Variants in GNA14 observed in about 807,000 individuals in gnomAD.
GNA14 encodes the protein guanine nucleotide-binding protein subunit alpha-14.
A neutral mutation model predicts 42.0 loss-of-function variants in GNA14; 50 were observed. That is an observed-to-expected ratio of 1.19 (90% CI 0.95 to 1.51). The LOEUF (loss-of-function observed/expected upper bound fraction) is 1.51, where lower values mean the gene tolerates loss of function less well. Among genes scored for constraint, GNA14 ranks in the 40% most tolerant of loss-of-function variants. The pLI is 0.00. For synonymous variants in GNA14, 173 were observed against 163.1 expected (o/e 1.06, Z -0.46); for missense variants, 473 against 446.2 (o/e 1.06, Z -0.54).
chr9:77,555,133 A>G (rs2131784683), intron 1 of GNA14, among the ~76,000 whole-genome samples: 1 of 152,336 alleles, frequency 6.6e-6, no homozygotes, highest in Admixed American at 6.5e-5. Context: ...TTGTGGTTAC[A>G]TAAGAGAATG....
intron 3 of GNA14, chr9:77,431,658 T>A: frequency 4.2e-6 from 2 of 471,600 alleles, no homozygotes; most frequent in Non-Finnish European, 7.6e-6. Flanking sequence ...AGGACTTCCA[T>A]GCGCCTTCTG....
At chr9:77,568,021 G>A (rs1822997903) in intron 1 of GNA14, among the ~76,000 whole-genome samples, 1 of 152,090 alleles carries the variant, frequency 6.6e-6, no homozygotes, top group Non-Finnish European at 1.5e-5. Context: ...AAGAGGAGGA[G>A]GAAGGAAGAC....
intron 1 of GNA14, among the ~76,000 whole-genome samples, chr9:77,576,006 ATGT>A (rs1823123044): frequency 1.3e-5 from 2 of 152,232 alleles, no homozygotes; most frequent in African/African-American, 2.4e-5. Flanking sequence ...TGGTGCTGAA[ATGT>A]TGTTGCAATG....
At chr9:77,466,487 A>G (rs928553689) in intron 2 of GNA14, among the ~76,000 whole-genome samples, 1 of 152,170 alleles carries the variant, frequency 6.6e-6, no homozygotes, top group African/African-American at 2.4e-5. Context: ...CTATGTATTC[A>G]GTCATTGTTG....
At chr9:77,510,630 C>T (rs1313541413) in intron 2 of GNA14, among the ~76,000 whole-genome samples, 1 of 152,244 alleles carries the variant, frequency 6.6e-6, no homozygotes, top group Non-Finnish European at 1.5e-5. Flanking sequence ...CAGATGGGTA[C>T]TGTGGCAGTT....
intron 1 of GNA14, among the ~76,000 whole-genome samples, chr9:77,577,560 A>G (rs1823148347): frequency 1.3e-5 from 2 of 152,216 alleles, no homozygotes; most frequent in African/African-American, 4.8e-5. Flanking sequence ...CATCAGTGAG[A>G]CATGACTTCT....
chr9:77,539,491 G>C (rs1837634205), intron 1 of GNA14, among the ~76,000 whole-genome samples: 1 of 152,154 alleles, frequency 6.6e-6, no homozygotes, highest in South Asian at 2.1e-4. Context: ...GTCCTTGCCT[G>C]GTTTTGGTAT....
intron 2 of GNA14, among the ~76,000 whole-genome samples, chr9:77,493,282 T>A (rs2131737926): frequency 6.6e-6 from 1 of 152,134 alleles, no homozygotes; most frequent in African/African-American, 2.4e-5. Flanking sequence ...CTTCTCCAGC[T>A]AGACCATTTG....
At chr9:77,501,636 G>A (rs1214259252) in intron 2 of GNA14, among the ~76,000 whole-genome samples, 1 of 150,970 alleles carries the variant, frequency 6.6e-6, no homozygotes, top group South Asian at 2.1e-4. Context: ...TTTTCTCCAA[G>A]TTTGTAGCTT....
intron 1 of GNA14, among the ~76,000 whole-genome samples, chr9:77,569,124 G>T (rs1334383167): frequency 6.6e-6 from 1 of 150,764 alleles, no homozygotes; most frequent in Non-Finnish European, 1.5e-5. Context: ...ATTTTAAACT[G>T]AATCTCCAGC....
chr9:77,458,710 C>T (rs1836050514), intron 2 of GNA14, among the ~76,000 whole-genome samples: 1 of 152,134 alleles, frequency 6.6e-6, no homozygotes, highest in Non-Finnish European at 1.5e-5. Flanking sequence ...ACTTTTGTAT[C>T]ACAGATTGTT....
In GNA14 at chr9:77,648,033, G is replaced by A. The variant is rs1824389526; in HGVS notation, c.-240C>T. The A allele has an allele frequency of 1.9e-6, 1 of 524,880 alleles. No individual in the cohort carries two copies. Among genetic ancestry groups the A allele is most frequent in the Non-Finnish European group, 3.3e-6 (1 of 301,398 alleles). The allele number at this position is 524,880 out of a possible 1,614,324, so 32.5% of individuals were successfully genotyped here. On this transcript the variant is annotated 5_prime_UTR_variant, in exon 1 of 7. Transcript: ENST00000341700. Reference sequence around the variant, plus strand: ...ACGCTCGAGTGCACCCCGGATCCGGGCTCAGCCCGCCCCACTCTCGCTCTG... The same window carrying A: ...ACGCTCGAGTGCACCCCGGATCCGGACTCAGCCCGCCCCACTCTCGCTCTG...
In GNA14 at chr9:77,458,905, G is replaced by GC. The variant is rs1554689041; in HGVS notation, c.310-24384_310-24383insG. Among the ~76,000 whole-genome samples, 263 of 47,952 alleles carry GC rather than the reference G, an allele frequency of 5.5e-3. 2 individuals carry two copies. Among genetic ancestry groups the GC allele is most frequent in the African/African-American group, 0.028 (148 of 5,284 alleles). The allele number at this position is 47,952 out of a possible 152,430, so 31.5% of individuals were successfully genotyped here. A position where few individuals can be genotyped will look rare whatever the true frequency, so the allele number is the denominator to read the frequency against. ...TAAGCTCCTTTTATCACAAGCTGGAGGGGGGGGGGTTGTCCTCTTCTCCCC... is the reference window on the plus strand; with the variant it reads ...TAAGCTCCTTTTATCACAAGCTGGAGCGGGGGGGGGTTGTCCTCTTCTCCCC... On this transcript the variant is annotated intron_variant, in intron 2 of 6. Transcript: ENST00000341700.
At chr9:77,474,538 A>G (rs1278276559) in intron 2 of GNA14, among the ~76,000 whole-genome samples, 1 of 152,226 alleles carries the variant, frequency 6.6e-6, no homozygotes, top group Non-Finnish European at 1.5e-5. Flanking sequence ...TGTAACCCTC[A>G]TACATGGGTG....
chr9:77,505,219 G>T (rs1463068504), intron 2 of GNA14, among the ~76,000 whole-genome samples: 1 of 152,142 alleles, frequency 6.6e-6, no homozygotes, highest in African/African-American at 2.4e-5. Flanking sequence ...TTATAATACA[G>T]CACTTTTGAA....
chr9:77,608,418 A>T (rs1823672599), intron 1 of GNA14, among the ~76,000 whole-genome samples: 1 of 152,174 alleles, frequency 6.6e-6, no homozygotes, highest in Non-Finnish European at 1.5e-5. Flanking sequence ...TTTGGAGTTA[A>T]ATCTGGAATG....
intron 2 of GNA14, among the ~76,000 whole-genome samples, chr9:77,495,096 G>A (rs948585751): frequency 6.6e-6 from 1 of 152,054 alleles, no homozygotes; most frequent in African/African-American, 2.4e-5. Context: ...CACCATGCCT[G>A]GCCAAGAGTT....
At position 77,641,530 on chromosome 9, in the gene GNA14, C is replaced by T. The variant is rs1824267684; in HGVS notation, c.124+6140G>A. Among the ~76,000 whole-genome samples the T allele has an allele frequency of 2.0e-5, 3 of 150,096 alleles. No homozygotes were observed. The Admixed American group carries it at 2.0e-4, about 10-fold the overall frequency. On this transcript the variant is annotated intron_variant, in intron 1 of 6. Transcript: ENST00000341700. Reference sequence around the variant, plus strand: ...GAAAAGCACAGTGGGGATCGCTAATCGTAAGAAAATCACCAGTTAAATCCC... The same window carrying T: ...GAAAAGCACAGTGGGGATCGCTAATTGTAAGAAAATCACCAGTTAAATCCC...
At chr9:77,570,743 G>C (rs1343835527) in intron 1 of GNA14, among the ~76,000 whole-genome samples, 3 of 151,904 alleles carry the variant, frequency 2.0e-5, no homozygotes, top group African/African-American at 4.8e-5. Flanking sequence ...AATTCTTTAG[G>C]TGTATACCTA....
Sources: gnomAD v4.1 joint callset for allele counts (sites outside exome capture counted in the v4.1 genomes callset) on GRCh38, gnomAD v4.1.1 for gene constraint, MANE v1.5 for transcripts, NCBI Gene and HGNC (gene_info 2026-07-23, HGNC 2026-07-21) for gene names.